DOCK9: variants seen among roughly 807,000 people sequenced by gnomAD.
DOCK9 encodes dedicator of cytokinesis protein 9.
DOCK9 carries 89 observed loss-of-function variants against 263.3 expected under a neutral mutation model. The ratio of observed to expected loss-of-function variants is 0.34; its 90% CI spans 0.28 to 0.40. The LOEUF is 0.40. Ranked by LOEUF, DOCK9 falls within the 10% of genes least tolerant of loss-of-function variation. The pLI is 1.00. For missense variants in DOCK9, 2,140 were observed against 2,603.4 expected (o/e 0.82, Z 3.87); for synonymous variants, 976 against 973.1 (o/e 1.00, Z -0.06).
At chr13:98,852,491 A>T (rs1265849266) in intron 35 of DOCK9, among the ~76,000 whole-genome samples, 1 of 152,160 alleles carries the variant, frequency 6.6e-6, no homozygotes, top group Non-Finnish European at 1.5e-5. Context: ...TTGATCTAAA[A>T]GAAATACTAT....
intron 3 of DOCK9, 100 bp from the exon 4 acceptor site, chr13:98,926,019 T>C (rs2052895312): frequency 1.1e-6 from 1 of 894,408 alleles, no homozygotes. Context: ...CATAGAAACA[T>C]CAAAAAAATT....
At chr13:99,040,750 G>A (rs1021724829) in intron 1 of DOCK9, among the ~76,000 whole-genome samples, 1 of 152,100 alleles carries the variant, frequency 6.6e-6, no homozygotes, top group African/African-American at 2.4e-5. Context: ...AGGAGGGAGG[G>A]AGGACACAAA....
intron 22 of DOCK9, 83 bp downstream of exon 22, chr13:98,883,730 C>T (rs539047604): frequency 5.0e-6 from 4 of 801,778 alleles, no homozygotes; most frequent in African/African-American, 1.7e-5. Flanking sequence ...TAATATAACA[C>T]ATTAGGATTT....
At chr13:99,040,299 A>C (rs1038325190) in intron 1 of DOCK9, among the ~76,000 whole-genome samples, 1 of 152,230 alleles carries the variant, frequency 6.6e-6, no homozygotes, top group African/African-American at 2.4e-5. Flanking sequence ...GTTTATGTTT[A>C]AACCATACAG....
chr13:99,082,429 G>C (rs1240345773), intron 1 of DOCK9, among the ~76,000 whole-genome samples: 1 of 151,396 alleles, frequency 6.6e-6, no homozygotes, highest in Non-Finnish European at 1.5e-5. Context: ...TGAGGCAGGA[G>C]AACCACTTGA....
intron 7 of DOCK9, among the ~76,000 whole-genome samples, chr13:98,920,212 T>G (rs547248467): frequency 6.6e-6 from 1 of 152,238 alleles, no homozygotes; most frequent in African/African-American, 2.4e-5. Context: ...ATTGTCTGAT[T>G]TTTTACAAGA....
At chr13:98,808,850 A>G (rs961680979) in intron 47 of DOCK9, among the ~76,000 whole-genome samples, 7 of 152,210 alleles carry the variant, frequency 4.6e-5, no homozygotes, top group Admixed American at 6.5e-5. Context: ...GGTTTCTGAA[A>G]AACTGTAAAT....
intron 30 of DOCK9, among the ~76,000 whole-genome samples, chr13:98,866,070 C>A (rs1043980439): frequency 6.6e-6 from 1 of 152,150 alleles, no homozygotes; most frequent in Non-Finnish European, 1.5e-5. Context: ...CCCAGATATG[C>A]GGGTGCTTGG....
chr13:98,926,640 A>G (rs961096381), intron 3 of DOCK9, among the ~76,000 whole-genome samples: 1 of 152,268 alleles, frequency 6.6e-6, no homozygotes, highest in African/African-American at 2.4e-5. Flanking sequence ...CATAAAGCCT[A>G]AGATTATAAT....
intron 2 of DOCK9, among the ~76,000 whole-genome samples, chr13:98,949,425 A>G (rs1567062932): frequency 1.3e-5 from 2 of 152,086 alleles, no homozygotes; most frequent in African/African-American, 2.4e-5. Context: ...CACAATAATA[A>G]ACCATAAGAC....
chr13:99,011,918 C>T (rs142490542), intron 1 of DOCK9, among the ~76,000 whole-genome samples: 1 of 152,300 alleles, frequency 6.6e-6, no homozygotes, highest in East Asian at 1.9e-4. Flanking sequence ...ACCTCCAGGA[C>T]TCAAGTGATC....
intron 22 of DOCK9, 76 bp downstream of exon 22, chr13:98,883,737 A>AT (rs796739918): frequency 6.5e-6 from 6 of 925,074 alleles, no homozygotes; most frequent in Non-Finnish European, 9.7e-6. Flanking sequence ...ACACATTAGG[A>AT]TTTTTTTCTT....
At chr13:99,070,040 T>C (rs1748534379) in intron 1 of DOCK9, among the ~76,000 whole-genome samples, 1 of 152,242 alleles carries the variant, frequency 6.6e-6, no homozygotes, top group Non-Finnish European at 1.5e-5. Flanking sequence ...AAGAACTTTA[T>C]AAACAGTCAA....
intron 9 of DOCK9, 116 bp from the exon 10 acceptor site, chr13:98,904,822 T>C: frequency 1.2e-6 from 1 of 862,756 alleles, no homozygotes; most frequent in Non-Finnish European, 1.8e-6. Flanking sequence ...AAGCTCTGCC[T>C]CGTGTTGGAG....
chr13:98,877,464 T>G (rs2044047535), intron 27 of DOCK9, among the ~76,000 whole-genome samples: 1 of 152,176 alleles, frequency 6.6e-6, no homozygotes, highest in Non-Finnish European at 1.5e-5. Flanking sequence ...TCACGTGGTC[T>G]TCCTTGCAGT....
chr13:98,881,345 A>G (rs541697111), intron 25 of DOCK9, among the ~76,000 whole-genome samples: 19 of 152,384 alleles, frequency 1.2e-4, no homozygotes, highest in African/African-American at 4.6e-4. Flanking sequence ...TAAAAGAAAC[A>G]TAATTGAAGG....
chr13:98,943,153 C>T (rs1258667624), intron 2 of DOCK9, among the ~76,000 whole-genome samples: 2 of 152,236 alleles, frequency 1.3e-5, no homozygotes, highest in Non-Finnish European at 2.9e-5. Flanking sequence ...ATTTCAGCTC[C>T]TGGGCTGCCA....
chr13:98,980,242 A>T, upstream of DOCK9, among the ~76,000 whole-genome samples: 1 of 152,252 alleles, frequency 6.6e-6, no homozygotes, highest in Non-Finnish European at 1.5e-5. Flanking sequence ...ATGAGAAATG[A>T]ACTTTAAGAT....
In DOCK9 at chr13:99,009,822, T is replaced by G. The variant is rs145916787; in HGVS notation, c.130-54271A>C. Among the ~76,000 whole-genome samples, 474 of 152,250 alleles carry G rather than the reference T, an allele frequency of 3.1e-3. 3 individuals carry two copies. Among genetic ancestry groups the G allele is most frequent in the African/African-American group, 0.011 (448 of 41,548 alleles). ...ATGATCAATTAAAGGATTTTTTTCA[T>G]AGCCGGTAGGTTTTTCTCATTAGAA... On this transcript the variant is annotated intron_variant, in intron 1 of 32. Transcript: ENST00000427887.
Sources: allele counts gnomAD v4.1 joint callset (sites outside exome capture counted in the v4.1 genomes callset), GRCh38; gene constraint gnomAD v4.1.1; transcripts MANE v1.5; gene names NCBI Gene and HGNC (gene_info 2026-07-23, HGNC 2026-07-21).